VANGL2: variants seen among roughly 807,000 people sequenced by gnomAD.
The protein encoded by VANGL2 is VANGL planar cell polarity protein 2.
In VANGL2, 14 loss-of-function variants were observed where a neutral mutation model predicts 50.2. The observed-to-expected ratio is 0.28, with a 90% confidence interval of 0.18 to 0.44. VANGL2 has a LOEUF of 0.44. Among genes scored for constraint, VANGL2 ranks in the 20% least tolerant of loss-of-function variants. The pLI, the probability that VANGL2 is intolerant of heterozygous loss-of-function variation, is 1.00. For missense variants in VANGL2, 533 were observed against 701.5 expected (o/e 0.76, Z 2.71); for synonymous variants, 295 against 297.2 (o/e 0.99, Z 0.08).
intron 3 of VANGL2, 31 bp downstream of exon 3, chr1:160,416,213 G>C: frequency 6.2e-7 from 1 of 1,613,644 alleles, no homozygotes; most frequent in Non-Finnish European, 8.5e-7. Context: ...GGTCCAGACC[G>C]GGCATTTTCA....
chr1:160,420,856 G>A (rs558893653), intron 5 of VANGL2, among the ~76,000 whole-genome samples, 196 bp from the exon 6 acceptor site: 226 of 152,330 alleles, frequency 1.5e-3, no homozygotes, highest in Non-Finnish European at 2.6e-3. Flanking sequence ...CAGGACTCTT[G>A]CGCTTCCAGT....
intron 6 of VANGL2, 36 bp downstream of exon 6, chr1:160,421,223 T>A: frequency 1.2e-6 from 2 of 1,608,156 alleles, no homozygotes; most frequent in Non-Finnish European, 1.7e-6. Flanking sequence ...AGGAGGTGCT[T>A]GTTGGGTGAA....
intron 1 of VANGL2, among the ~76,000 whole-genome samples, chr1:160,414,192 C>T (rs932813303): frequency 1.3e-5 from 2 of 152,330 alleles, no homozygotes; most frequent in African/African-American, 4.8e-5. Context: ...ATCTGCATAG[C>T]TAAAATCCTT....
At chr1:160,420,590 G>C (rs1451427458) in intron 5 of VANGL2, 43 bp downstream of exon 5, 2 of 1,613,636 alleles carry the variant, frequency 1.2e-6, no homozygotes, top group Non-Finnish European at 8.5e-7. Context: ...CTCTTCCCAA[G>C]CAGGACTCCA....
chr1:160,413,552 C>T (rs773073022), intron 1 of VANGL2, among the ~76,000 whole-genome samples: 3 of 152,064 alleles, frequency 2.0e-5, no homozygotes, highest in South Asian at 4.2e-4. Flanking sequence ...TGGGATTACC[C>T]GGCCCCATTT....
intron 3 of VANGL2, 138 bp from the exon 4 acceptor site, chr1:160,418,864 C>G: frequency 1.1e-5 from 12 of 1,090,252 alleles, no homozygotes; most frequent in African/African-American, 3.2e-5. Flanking sequence ...TTGTTGATTA[C>G]CCTCTCTTCT....
intron 3 of VANGL2, 47 bp from the exon 4 acceptor site, chr1:160,418,955 C>T: frequency 6.4e-7 from 1 of 1,572,746 alleles, no homozygotes; most frequent in Non-Finnish European, 8.7e-7. Flanking sequence ...TCTTCCTCTT[C>T]TTATCCTTTC....
At chr1:160,424,337 C>T (rs1370469338) in intron 7 of VANGL2, 54 bp downstream of exon 7, 115 of 1,540,080 alleles carry the variant, frequency 7.5e-5, no homozygotes, top group Non-Finnish European at 9.7e-5. Flanking sequence ...CCTCTTCTTT[C>T]CCACCTTCAT....
At chr1:160,416,899 T>G (rs1254511265) in intron 3 of VANGL2, among the ~76,000 whole-genome samples, 1 of 152,094 alleles carries the variant, frequency 6.6e-6, no homozygotes, top group Non-Finnish European at 1.5e-5. Context: ...GGCTGGAGAT[T>G]CCCAGCTCCT....
At chr1:160,418,887 C>T (rs916569380) in intron 3 of VANGL2, 115 bp from the exon 4 acceptor site, 2 of 1,344,004 alleles carry the variant, frequency 1.5e-6, no homozygotes, top group Non-Finnish European at 1.0e-6. Context: ...CTGCCTTCTC[C>T]TTTCCCATGT....
chr1:160,416,147 C>T lies in VANGL2; in HGVS notation c.157C>T (p.Leu53=). The change falls in exon 3 of 8, where the codon CTG becomes TTG. Residue 53 remains leucine, a synonymous_variant. Transcript: ENST00000368061. ...GACAATCCAGGCTCCCGGGGAGCCCCTGCTGGACAATGAGTCCACACGAGG... is the reference window on the plus strand; with the variant it reads ...GACAATCCAGGCTCCCGGGGAGCCCTTGCTGGACAATGAGTCCACACGAGG... ...SVTIQAPGEP[L]LDNESTRGDE... is the part of the protein sequence containing the mutation. The T allele has an allele frequency of 6.2e-7, 1 of 1,614,200 alleles. No homozygotes were observed. Among genetic ancestry groups the T allele is most frequent in the Non-Finnish European group, 8.5e-7 (1 of 1,180,022 alleles).
chr1:160,411,094 C>G (rs1280366694), intron 1 of VANGL2, among the ~76,000 whole-genome samples: 3 of 151,638 alleles, frequency 2.0e-5, no homozygotes, highest in Non-Finnish European at 4.4e-5. Context: ...TTCTGAAAGG[C>G]CTTTGGAGGG....
chr1:160,405,331 G>A (rs1449340492), intron 1 of VANGL2, among the ~76,000 whole-genome samples: 1 of 152,120 alleles, frequency 6.6e-6, no homozygotes, highest in Non-Finnish European at 1.5e-5. Context: ...TCTTTATCCT[G>A]TCTCTTGGTG....
At chr1:160,411,099 G>A (rs181283719) in intron 1 of VANGL2, among the ~76,000 whole-genome samples, 3 of 151,662 alleles carry the variant, frequency 2.0e-5, no homozygotes, top group African/African-American at 7.3e-5. Flanking sequence ...AAAGGCCTTT[G>A]GAGGGGAGAA....
intron 1 of VANGL2, among the ~76,000 whole-genome samples, chr1:160,412,805 A>G (rs1341586516): frequency 6.6e-6 from 1 of 152,344 alleles, no homozygotes; most frequent in East Asian, 1.9e-4. Context: ...AGAGAGGCAT[A>G]CAGTCATGGA....
chr1:160,410,696 A>ACACACACACACG (rs958609395), intron 1 of VANGL2, among the ~76,000 whole-genome samples: 127 of 149,452 alleles, frequency 8.5e-4, no homozygotes, highest in African/African-American at 2.9e-3. Flanking sequence ...ACACACACAC[A>ACACACACACACG]CACGCACGCA....
At chr1:160,412,637 A>C (rs1264171256) in intron 1 of VANGL2, among the ~76,000 whole-genome samples, 1 of 152,196 alleles carries the variant, frequency 6.6e-6, no homozygotes, top group Non-Finnish European at 1.5e-5. Flanking sequence ...CCTGTCCTCT[A>C]AGTGTGTCCT....
intron 1 of VANGL2, among the ~76,000 whole-genome samples, chr1:160,413,797 C>A (rs924683702): frequency 1.3e-5 from 2 of 152,150 alleles, no homozygotes; most frequent in South Asian, 2.1e-4. Context: ...TGAGTTCTAT[C>A]TATCCCCATA....
intron 6 of VANGL2, 137 bp from the exon 7 acceptor site, chr1:160,423,915 C>A: frequency 1.1e-6 from 1 of 940,962 alleles, no homozygotes; most frequent in Admixed American, 2.0e-5. Context: ...GGCACTATTG[C>A]CTCTGGCTTT....
Sources: gnomAD v4.1 joint callset for allele counts (sites outside exome capture counted in the v4.1 genomes callset) on GRCh38, gnomAD v4.1.1 for gene constraint, MANE v1.5 for transcripts, NCBI Gene and HGNC (gene_info 2026-07-23, HGNC 2026-07-21) for gene names.